The following MAGI3 variants were observed in gnomAD, a reference collection of about 807,000 sequenced individuals.
The protein encoded by MAGI3 is membrane-associated guanylate kinase, WW and PDZ domain-containing protein 3.
In MAGI3, 43 loss-of-function variants were observed where a neutral mutation model predicts 121.8. The observed-to-expected ratio is 0.35, with a 90% confidence interval of 0.28 to 0.46. The LOEUF is 0.46. Among genes scored for constraint, MAGI3 ranks in the 20% least tolerant of loss-of-function variants. MAGI3 has a pLI of 1.00. For missense variants in MAGI3, 1,547 were observed against 1,797.3 expected (o/e 0.86, Z 2.52); for synonymous variants, 553 against 639.3 (o/e 0.86, Z 2.04).
chr1:113,657,335 G>A (rs2100994259), intron 15 of MAGI3, among the ~76,000 whole-genome samples: 1 of 152,242 alleles, frequency 6.6e-6, no homozygotes, highest in East Asian at 1.9e-4. Flanking sequence ...ATTTTTAACT[G>A]TTCCGGTGAC....
chr1:113,470,349 C>T (rs537377350), intron 1 of MAGI3, among the ~76,000 whole-genome samples: 2 of 152,034 alleles, frequency 1.3e-5, no homozygotes, highest in South Asian at 2.1e-4. Context: ...CCACCACATT[C>T]GCATTCTAGT....
Position 113,681,297 on chromosome 1 carries a change from CT to C in MAGI3, c.3291del (p.Leu1098PhefsTer2), listed in dbSNP as rs1648201621. On this transcript the variant is annotated frameshift_variant, in exon 20 of 21. Transcript: ENST00000307546. LOFTEE classifies it low-confidence loss of function (END_TRUNC). ...LIQAGGNKVL[L>X]LLRPGTGLIP... ...TCAGGCTGGTGGAAATAAAGTTCTT[CT>C]TCTTTTGAGGCCAGGAACTGGCTTG... The C allele has an allele frequency of 6.2e-7, 1 of 1,613,974 alleles. No individual in the cohort carries two copies.
At chr1:113,457,770 T>C (rs994385814) in intron 1 of MAGI3, among the ~76,000 whole-genome samples, 2 of 152,140 alleles carry the variant, frequency 1.3e-5, no homozygotes, top group Non-Finnish European at 2.9e-5. Context: ...TATTGACCAA[T>C]TATGAATGGC....
Position 113,673,311 on chromosome 1 carries a change from T to C in MAGI3, c.3046-11T>C, listed in dbSNP as rs375359716. The C allele has an allele frequency of 4.7e-5, 75 of 1,606,206 alleles. No homozygotes were observed. Among genetic ancestry groups the C allele is most frequent in the Non-Finnish European group, 4.7e-5 (55 of 1,178,474 alleles). On this transcript the variant is annotated splice_polypyrimidine_tract_variant and intron_variant, in intron 18 of 20. Coordinates refer to ENST00000307546, the MANE Select transcript of MAGI3 (RefSeq NM_001142782.2). ...TGAGAACTTGCTTTTCTTATACTTCTTTCTCTCTAGAACCTTGGTTGTTAT... is the reference window on the plus strand; with the variant it reads ...TGAGAACTTGCTTTTCTTATACTTCCTTCTCTCTAGAACCTTGGTTGTTAT...
intron 1 of MAGI3, among the ~76,000 whole-genome samples, chr1:113,543,878 A>AG (rs1275340573): frequency 6.6e-6 from 1 of 152,116 alleles, no homozygotes; most frequent in Non-Finnish European, 1.5e-5. Context: ...AAAAAAAAAA[A>AG]AAAAAAATTT....
intron 1 of MAGI3, among the ~76,000 whole-genome samples, chr1:113,522,217 T>C (rs976525573): frequency 6.6e-6 from 1 of 152,232 alleles, no homozygotes; most frequent in African/African-American, 2.4e-5. Flanking sequence ...GTGAGTCTTA[T>C]GCCTCAGGCT....
intron 9 of MAGI3, among the ~76,000 whole-genome samples, chr1:113,636,721 A>G (rs1652051307): frequency 6.6e-6 from 1 of 151,760 alleles, no homozygotes; most frequent in African/African-American, 2.4e-5. Flanking sequence ...TGGGGTGGAG[A>G]GTTCTGTAGA....
intron 1 of MAGI3, among the ~76,000 whole-genome samples, chr1:113,448,182 A>G (rs1654280623): frequency 1.3e-5 from 2 of 152,228 alleles, no homozygotes; most frequent in African/African-American, 4.8e-5. Context: ...ATCTAGGCTG[A>G]AAGTCATATC....
At chr1:113,397,727 C>T (rs1183853969) in intron 1 of MAGI3, among the ~76,000 whole-genome samples, 2 of 152,020 alleles carry the variant, frequency 1.3e-5, no homozygotes, top group Non-Finnish European at 2.9e-5. Context: ...GTTATCTCCT[C>T]GAAATAATGC....
chr1:113,450,605 G>A (rs55656819), intron 1 of MAGI3: 1 of 1,092,384 alleles, frequency 9.2e-7, no homozygotes. Context: ...AAATTATAGT[G>A]GACAACAGCA....
intron 1 of MAGI3, among the ~76,000 whole-genome samples, chr1:113,483,778 A>G (rs1230799320): frequency 6.6e-6 from 1 of 152,118 alleles, no homozygotes; most frequent in African/African-American, 2.4e-5. Context: ...TATTGTGAAA[A>G]ATTTCACACG....
At position 113,391,254 on chromosome 1, in the gene MAGI3, T is replaced by G. The variant is rs1430469058; in HGVS notation, c.221T>G (p.Val74Gly). 1 of 1,579,136 alleles carries G rather than the reference T, an allele frequency of 6.3e-7. No homozygotes were observed. Among genetic ancestry groups the G allele is most frequent in the Non-Finnish European group, 8.6e-7 (1 of 1,163,624 alleles). ...APSPGDVLLE[V>G]NGTPVSGLTN... is the part of the protein sequence containing the mutation. ...AGCCCAGGCGATGTGCTGCTGGAGGTAAACGGGACGCCTGTCAGCGGGCTC... is the reference window on the plus strand; with the variant it reads ...AGCCCAGGCGATGTGCTGCTGGAGGGAAACGGGACGCCTGTCAGCGGGCTC... The change falls in exon 1 of 21, where the codon GTA (valine) becomes GGA (glycine). Residue 74 changes from valine (V) to glycine (G), a missense_variant. Coordinates refer to ENST00000307546, the MANE Select transcript of MAGI3 (RefSeq NM_001142782.2). The surrounding 1 kb of genome is among the most constrained non-coding windows in gnomAD (Gnocchi z 4.4).
rs747666188 is a variant in MAGI3, at chr1:113,658,099, T to C, written c.2630-981T>C. The stretch of plus-strand genomic sequence containing the variant: ...TATCCCTATTCAAATCAGTCAGTAG[T>C]CAGCAGGAGCCCACATACCTGATAA... On this transcript the variant is annotated intron_variant, in intron 15 of 20. Transcript: ENST00000307546. This position sits in a 1 kb window ranked among gnomAD's most constrained non-coding sequence, Gnocchi z 4.0. Among the ~76,000 whole-genome samples the C allele has an allele frequency of 2.0e-5, 3 of 152,252 alleles. No individual in the cohort carries two copies. The highest frequency in any genetic ancestry group is 4.4e-5 in the Non-Finnish European group (3 of 68,040).
Position 113,422,128 on chromosome 1 carries a change from T to C in MAGI3, c.316+30779T>C, listed in dbSNP as rs552877681. Among the ~76,000 whole-genome samples the C allele has an allele frequency of 6.6e-6, 1 of 152,330 alleles. No homozygotes were observed. Among genetic ancestry groups the C allele is most frequent in the South Asian group, 2.1e-4 (1 of 4,826 alleles). On this transcript the variant is annotated intron_variant, in intron 1 of 20. Transcript: ENST00000307546. The surrounding 1 kb of genome is among the most constrained non-coding windows in gnomAD (Gnocchi z 4.3). ...GTTTTTTATTTAATTGGAACTTTTA[T>C]TGAGCTAACTAAATTCACATGTAGT...
intron 9 of MAGI3, among the ~76,000 whole-genome samples, chr1:113,640,557 G>A (rs1425891240): frequency 6.6e-6 from 1 of 152,100 alleles, no homozygotes; most frequent in Non-Finnish European, 1.5e-5. Flanking sequence ...CCATAAAAAG[G>A]AATGAGATCA....
chr1:113,616,821 C>T (rs527896863), intron 7 of MAGI3, among the ~76,000 whole-genome samples: 82 of 151,154 alleles, frequency 5.4e-4, no homozygotes, highest in Non-Finnish European at 1.1e-3. Context: ...GGGTGATAAG[C>T]ATTAAATGTC....
chr1:113,510,095 A>G (rs1001380568), intron 1 of MAGI3, among the ~76,000 whole-genome samples: 8 of 152,296 alleles, frequency 5.3e-5, no homozygotes, highest in East Asian at 1.9e-4. Context: ...AAGATTGTCA[A>G]TGTAGTGTTT....
At chr1:113,489,106 T>C (rs1656546494) in intron 1 of MAGI3, among the ~76,000 whole-genome samples, 1 of 152,126 alleles carries the variant, frequency 6.6e-6, no homozygotes, top group South Asian at 2.1e-4. Context: ...CATTGCACTA[T>C]GAAATGCTTT....
chr1:113,590,792 A>G (rs1445131751), intron 5 of MAGI3, 134 bp downstream of exon 5: 4 of 773,696 alleles, frequency 5.2e-6, no homozygotes, highest in Admixed American at 3.3e-5. Flanking sequence ...AATATTTTTC[A>G]TAAAACTGAC....
Sources: gnomAD v4.1 joint callset for allele counts (sites outside exome capture counted in the v4.1 genomes callset) on GRCh38, gnomAD v4.1.1 for gene constraint, Gnocchi (gnomAD v3.1) non-coding constraint, MANE v1.5 for transcripts, NCBI Gene and HGNC (gene_info 2026-07-23, HGNC 2026-07-21) for gene names.